The following SACS variants were observed in gnomAD, a reference collection of about 807,000 sequenced individuals.
SACS encodes the protein sacsin.
In SACS, 197 loss-of-function variants were observed where a neutral mutation model predicts 348.0. That is an observed-to-expected ratio of 0.57 (90% CI 0.50 to 0.64). SACS has a LOEUF of 0.64. SACS is among the 30% of genes least tolerant of loss of function. The pLI, the probability that SACS is intolerant of heterozygous loss-of-function variation, is 0.00. For synonymous variants in SACS, 1,985 were observed against 1,910.6 expected, an observed-to-expected ratio of 1.04 and a Z score of -1.02; for missense variants, 4,999 against 5,360.8, an observed-to-expected ratio of 0.93 and a Z score of 2.11.
chr13:23,338,614 T>C lies in SACS; in HGVS notation c.5262A>G (p.Pro1754=). ...TGATCTGAAGAATGCAAGATGACTTTGGTTCATCACTGGGAAGCTTTTTAT... is the reference window on the plus strand; with the variant it reads ...TGATCTGAAGAATGCAAGATGACTTCGGTTCATCACTGGGAAGCTTTTTAT... ...SSNKKLPSDE[P]KSSCILQITV... is the part of the protein sequence containing the mutation. The change falls in exon 10 of 10, where the codon CCA becomes CCG. Residue 1754 remains proline (P), a synonymous_variant. Coordinates refer to ENST00000382292, the MANE Select transcript of SACS (RefSeq NM_014363.6). The C allele has an allele frequency of 1.2e-6, 2 of 1,614,192 alleles. No homozygotes were observed. Among genetic ancestry groups the C allele is most frequent in the Non-Finnish European group, 1.7e-6 (2 of 1,180,024 alleles).
intron 8 of SACS, 64 bp downstream of exon 8, chr13:23,354,455 T>C: frequency 2.8e-6 from 4 of 1,412,362 alleles, no homozygotes; most frequent in Admixed American, 1.7e-5. Flanking sequence ...CAAAGGACTC[T>C]CACAGTGAGC....
At chr13:23,391,596 G>A (rs1872528824) in intron 2 of SACS, among the ~76,000 whole-genome samples, 1 of 152,116 alleles carries the variant, frequency 6.6e-6, no homozygotes, top group Non-Finnish European at 1.5e-5. Flanking sequence ...TCAAGTAATT[G>A]CTCCTCCCCT....
chr13:23,397,041 A>G (rs1872736448), intron 2 of SACS, among the ~76,000 whole-genome samples: 1 of 152,178 alleles, frequency 6.6e-6, no homozygotes, highest in South Asian at 2.1e-4. Context: ...ATAAGACAGC[A>G]TAATCCTATA....
At chr13:23,352,145 C>G (rs954761632) in intron 9 of SACS, among the ~76,000 whole-genome samples, 3 of 152,144 alleles carry the variant, frequency 2.0e-5, no homozygotes, top group African/African-American at 7.2e-5. Context: ...CCTGATTTGG[C>G]CCTGAATAAC....
intron 1 of SACS, among the ~76,000 whole-genome samples, chr13:23,431,191 A>G (rs1874420424): frequency 6.6e-6 from 1 of 152,256 alleles, no homozygotes; most frequent in African/African-American, 2.4e-5. Context: ...AAAGAGAGCT[A>G]TCTGAATCAT....
rs1175177519 is a variant in SACS, at chr13:23,331,937, T to TG, written c.11938_11939insC (p.Glu3980AlafsTer5). The stretch of plus-strand genomic sequence containing the variant: ...TTTGGGAGTCTCTTCATCTAATTGT[T>TG]CTTCAAGTATACTGCTCAATAATCG... On this transcript the variant is annotated frameshift_variant, in exon 10 of 10. Coordinates refer to ENST00000382292, the MANE Select transcript of SACS (RefSeq NM_014363.6). LOFTEE classifies it high-confidence loss of function. 1 of 1,613,960 alleles carries TG rather than the reference T, an allele frequency of 6.2e-7. No homozygotes were observed. Among genetic ancestry groups the TG allele is most frequent in the Non-Finnish European group, 8.5e-7 (1 of 1,179,960 alleles).
Position 23,329,883 on chromosome 13 carries a change from G to A in SACS, c.*253C>T, listed in dbSNP as rs1883356421. 5.5e-6 allele frequency: 3 copies of A among 542,376 alleles called. No homozygotes were observed. Among genetic ancestry groups the A allele is most frequent in the South Asian group, 4.2e-5 (2 of 48,058 alleles). The allele number at this position is 542,376 out of a possible 1,614,324, so 33.6% of individuals were successfully genotyped here. ...TTGGTTATATAAAGTGCAGTTCAAT[G>A]ATGTATCATCCCAATCATTCAAATC... On this transcript the variant is annotated 3_prime_UTR_variant, in exon 10 of 10. Transcript: ENST00000382292.
chr13:23,387,311 A>C (rs1872332167), intron 2 of SACS, among the ~76,000 whole-genome samples: 2 of 152,118 alleles, frequency 1.3e-5, no homozygotes, highest in South Asian at 4.2e-4. Context: ...ACACAAAAAA[A>C]ATTAGCCGGG....
At chr13:23,425,426 A>G (rs148535798) in intron 1 of SACS, among the ~76,000 whole-genome samples, 1 of 152,168 alleles carries the variant, frequency 6.6e-6, no homozygotes, top group Non-Finnish European at 1.5e-5. Flanking sequence ...ACTGGAGTCC[A>G]CTTGACTAGG....
At chr13:23,374,776 T>G (rs1226546785) in intron 3 of SACS, among the ~76,000 whole-genome samples, 1 of 152,172 alleles carries the variant, frequency 6.6e-6, no homozygotes, top group Non-Finnish European at 1.5e-5. Context: ...TTACCAACAT[T>G]CTACTTAAAC....
At chr13:23,395,189 A>G (rs113281007) in intron 2 of SACS, among the ~76,000 whole-genome samples, 9 of 114,910 alleles carry the variant, frequency 7.8e-5, no homozygotes, top group African/African-American at 4.0e-4. Context: ...TATTAAATAT[A>G]GAGGCTGGGT....
rs1420170258 is a variant in SACS at position 23,336,422 on chromosome 13, T to A, written c.7454A>T (p.His2485Leu). Residue 2485 changes from histidine to leucine, a missense_variant, in exon 10 of 10, where the codon CAT (histidine) becomes CTT (leucine). His to Leu is a moderately conservative substitution (Grantham distance 99). Coordinates refer to ENST00000382292, the MANE Select transcript of SACS (RefSeq NM_014363.6). Reference protein sequence around the residue: ...KVKDTTVKYCHADIPREVAVK... With the variant: ...KVKDTTVKYCLADIPREVAVK... ...TGCTACTTCCCTGGGTATGTCAGCA[T>A]GACAATATTTTACAGTGGTATCCTT... is the stretch of plus-strand genomic sequence containing the variant. 3.1e-6 allele frequency: 5 copies of A among 1,613,996 alleles called. No homozygotes were observed. Among genetic ancestry groups the A allele is most frequent in the Admixed American group, 1.7e-5 (1 of 60,000 alleles).
chr13:23,348,746 G>A (rs1241985891), intron 9 of SACS, among the ~76,000 whole-genome samples: 2 of 152,092 alleles, frequency 1.3e-5, no homozygotes, highest in African/African-American at 2.4e-5. Context: ...AGTAGAGGAT[G>A]GAAAGAAAGT....
At chr13:23,345,674 T>C (rs1396041268) in intron 9 of SACS, among the ~76,000 whole-genome samples, 3 of 152,194 alleles carry the variant, frequency 2.0e-5, no homozygotes, top group African/African-American at 7.2e-5. Flanking sequence ...GTAAGAACCG[T>C]GAATGATAAA....
rs748667130 is a variant in SACS at position 23,330,407 on chromosome 13, T to C, written c.13469A>G (p.Tyr4490Cys). 4.3e-6 allele frequency: 7 copies of C among 1,614,090 alleles called. No individual in the cohort carries two copies. The highest frequency in any genetic ancestry group is 3.3e-5 in the Admixed American group (2 of 60,010). The part of the protein sequence containing the change: ...STKLALIAAD[Y>C]AVRGKSDKDV... ...TTTATCAGACTTTCCCCTCACAGCA[T>C]AGTCAGCTGCAATCAAAGCTAACTT... The change falls in exon 10 of 10, where the codon TAT becomes TGT. Residue 4490 changes from tyrosine to cysteine, a missense_variant. Physicochemically the swap from Tyr to Cys is radical, Grantham distance 194 (BLOSUM62 -2). Transcript: ENST00000382292.
Position 23,334,857 on chromosome 13 carries a change from G to GC in SACS, c.9018dup (p.His3007AlafsTer15). 1 of 1,613,862 alleles carries GC rather than the reference G, an allele frequency of 6.2e-7. No homozygotes were observed. Among genetic ancestry groups the GC allele is most frequent in the East Asian group, 2.2e-5 (1 of 44,880 alleles). On this transcript the variant is annotated frameshift_variant, in exon 10 of 10. Transcript: ENST00000382292. LOFTEE classifies it high-confidence loss of function. Reference sequence around the variant, plus strand: ...ATCCAAGTAATTATAACTGCAGAGTGCAAGTCAGAGCCATCAATATTTGGA... The same window carrying GC: ...ATCCAAGTAATTATAACTGCAGAGTGCCAAGTCAGAGCCATCAATATTTGGA...
intron 9 of SACS, among the ~76,000 whole-genome samples, chr13:23,352,817 AAAC>A (rs911111085): frequency 3.5e-4 from 53 of 152,330 alleles, no homozygotes; most frequent in African/African-American, 1.2e-3. Flanking sequence ...CCCTGATGGG[AAAC>A]AACATTTGCC....
intron 5 of SACS, among the ~76,000 whole-genome samples, chr13:23,368,025 A>T (rs949078063): frequency 6.6e-6 from 1 of 152,238 alleles, no homozygotes; most frequent in African/African-American, 2.4e-5. Context: ...ATGGGCATGC[A>T]TTCAAGCCTC....
intron 2 of SACS, among the ~76,000 whole-genome samples, chr13:23,381,355 G>GCACGCACACACACA (rs1555257424): frequency 7.1e-6 from 1 of 139,976 alleles, no homozygotes; most frequent in Non-Finnish European, 1.5e-5. Flanking sequence ...GCAGCACGAA[G>GCACGCACACACACA]CACACACACA....
Sources: gnomAD v4.1 joint callset for allele counts (sites outside exome capture counted in the v4.1 genomes callset) on GRCh38, gnomAD v4.1.1 for gene constraint, MANE v1.5 for transcripts, NCBI Gene and HGNC (gene_info 2026-07-23, HGNC 2026-07-21) for gene names.